TUBAL3: variants seen among roughly 807,000 people sequenced by gnomAD.
TUBAL3 encodes tubulin alpha chain-like 3.
In TUBAL3, 16 loss-of-function variants were observed where a neutral mutation model predicts 15.5. The ratio of observed to expected loss-of-function variants is 1.04; its 90% CI spans 0.70 to 1.57. The LOEUF (loss-of-function observed/expected upper bound fraction) is 1.57, where lower values mean the gene tolerates loss of function less well. Ranked by LOEUF, TUBAL3 falls within the 40% of genes most tolerant of loss-of-function variation. The pLI is 0.00. For synonymous variants in TUBAL3, 238 were observed against 224.3 expected (o/e 1.06, Z -0.55); for missense variants, 609 against 576.2 (o/e 1.06, Z -0.58).
chr10:5,393,715 G>A lies in TUBAL3; in HGVS notation c.1143C>T (p.Ser381=). 6.2e-7 allele frequency: 1 copy of A among 1,614,206 alleles called. No individual in the cohort carries two copies. The highest frequency in any genetic ancestry group is 8.5e-7 in the Non-Finnish European group (1 of 1,180,040). ...CCGTGGTGTTGCTCAGCATGCAGAT[G>A]GACCGGTGGACTTTGGCCAGGTCCC... ...PGGDLAKVHR[S]ICMLSNTTAI... The change falls in exon 4 of 4, where the codon TCC becomes TCT. Residue 381 remains serine, a synonymous_variant. Transcript: ENST00000380419.
chr10:5,401,709 C>G (rs1165411489), intron 1 of TUBAL3, among the ~76,000 whole-genome samples: 1 of 151,356 alleles, frequency 6.6e-6, no homozygotes, highest in Non-Finnish European at 1.5e-5. Flanking sequence ...TTATAACAAA[C>G]ATATAGAGAT....
chr10:5,394,085 T>C lies in TUBAL3; in HGVS notation c.773A>G (p.Asp258Gly). ...CAGGTTGGTCTGGAATTCAATTAGG[T>C]CTACATTCAAGGGCCCTTCAAACCG... ...SLRFEGPLNVDLIEFQTNLVP... is the reference protein window; with the variant it reads ...SLRFEGPLNVGLIEFQTNLVP... The change falls in exon 4 of 4, where the codon GAC (aspartate) becomes GGC (glycine). Residue 258 changes from aspartate (D) to glycine (G), a missense_variant. Asp to Gly is a moderately conservative substitution (Grantham distance 94). Transcript: ENST00000380419. The surrounding 1 kb of genome is among the most constrained non-coding windows in gnomAD (Gnocchi z 4.3). 1.2e-6 allele frequency: 2 copies of C among 1,614,108 alleles called. No individual in the cohort carries two copies. The highest frequency in any genetic ancestry group is 1.7e-6 in the Non-Finnish European group (2 of 1,180,020).
rs1554814179 is a variant in TUBAL3, at chr10:5,396,600, G to A, written c.248-1125C>T. Among the ~76,000 whole-genome samples, 2 of 152,190 alleles carry A rather than the reference G, an allele frequency of 1.3e-5. No individual in the cohort carries two copies. Among genetic ancestry groups the A allele is most frequent in the East Asian group, 3.8e-4 (2 of 5,200 alleles). ...AAGAGGATTTAACAGGGAAGGCACG[G>A]CAAACTCAAATGCCCACACGACCCA... is the stretch of plus-strand genomic sequence containing the variant. On this transcript the variant is annotated intron_variant, in intron 2 of 3. Transcript: ENST00000380419. The surrounding 1 kb of genome is among the most constrained non-coding windows in gnomAD (Gnocchi z 5.1).
In TUBAL3 at chr10:5,393,874, C is replaced by T. The variant is rs1206389474; in HGVS notation, c.984G>A (p.Gly328=). The stretch of plus-strand genomic sequence containing the variant: ...CATTCACTTCCTTGGGGACCACATC[C>T]CCTCTATAGAGTAGGCAGCAGGCCA... The part of the protein sequence containing the change: ...KYMACCLLYR[G]DVVPKEVNAA... The change falls in exon 4 of 4, where the codon GGG becomes GGA. Residue 328 remains glycine (G), a synonymous_variant. Coordinates refer to ENST00000380419, the MANE Select transcript of TUBAL3 (RefSeq NM_024803.3). 9 of 1,614,096 alleles carry T rather than the reference C, an allele frequency of 5.6e-6. No individual in the cohort carries two copies. Among genetic ancestry groups the T allele is most frequent in the Non-Finnish European group, 6.8e-6 (8 of 1,180,056 alleles).
rs1046210737 is a variant in TUBAL3, at chr10:5,397,676, T to C, written c.248-2201A>G. On this transcript the variant is annotated intron_variant, in intron 2 of 3. Coordinates refer to ENST00000380419, the MANE Select transcript of TUBAL3 (RefSeq NM_024803.3). The surrounding 1 kb of genome is among the most constrained non-coding windows in gnomAD (Gnocchi z 4.9). ...CCCTTAATCAATATCCTCAGAGACATCAATGGCTTTTGAACAATTACATGA... is the reference window on the plus strand; with the variant it reads ...CCCTTAATCAATATCCTCAGAGACACCAATGGCTTTTGAACAATTACATGA... Among the ~76,000 whole-genome samples the C allele has an allele frequency of 6.6e-6, 1 of 152,168 alleles. No homozygotes were observed. Among genetic ancestry groups the C allele is most frequent in the Non-Finnish European group, 1.5e-5 (1 of 68,020 alleles).
chr10:5,394,616 T>C lies in TUBAL3; in HGVS notation c.397-155A>G, dbSNP rs117498743. Reference sequence around the variant, plus strand: ...TAACTCCACAACAAACATAGCTACTTTGAAATACTCTCAAGGGGACTTCTG... The same window carrying C: ...TAACTCCACAACAAACATAGCTACTCTGAAATACTCTCAAGGGGACTTCTG... On this transcript the variant is annotated intron_variant, in intron 3 of 3. Coordinates refer to ENST00000380419, the MANE Select transcript of TUBAL3 (RefSeq NM_024803.3). The surrounding 1 kb of genome is among the most constrained non-coding windows in gnomAD (Gnocchi z 4.3). Among the ~76,000 whole-genome samples the C allele has an allele frequency of 1.9e-4, 29 of 152,312 alleles. 1 individual carries two copies. In the East Asian group the frequency reaches 5.6e-3, roughly 29 times the overall value.
chr10:5,400,829 G>A lies in TUBAL3; in HGVS notation c.247+15C>T. 6.2e-7 allele frequency: 1 copy of A among 1,613,800 alleles called. No homozygotes were observed. The highest frequency in any genetic ancestry group is 8.5e-7 in the Non-Finnish European group (1 of 1,179,786). On this transcript the variant is annotated intron_variant, in intron 2 of 3. Transcript: ENST00000380419. The stretch of plus-strand genomic sequence containing the variant: ...GGCTCCAGTTAAGTATGCTAGAATG[G>A]AACATTTATTGTACCTATAACAGTT...
At chr10:5,400,648 CA>C (rs1554814547) in intron 2 of TUBAL3, among the ~76,000 whole-genome samples, 195 bp downstream of exon 2, 1 of 152,052 alleles carries the variant, frequency 6.6e-6, no homozygotes, top group East Asian at 1.9e-4. Context: ...AATTTAAATT[CA>C]AAAACACTAA....
intron 1 of TUBAL3, among the ~76,000 whole-genome samples, chr10:5,402,591 C>A (rs1448234963): frequency 6.6e-6 from 1 of 152,168 alleles, no homozygotes; most frequent in East Asian, 1.9e-4. Flanking sequence ...CACAGGGGTC[C>A]CCAACCCCCG....
rs1352421357 is a variant in TUBAL3, at chr10:5,396,118, G to A, written c.248-643C>T. On this transcript the variant is annotated intron_variant, in intron 2 of 3. Coordinates refer to ENST00000380419, the MANE Select transcript of TUBAL3 (RefSeq NM_024803.3). The surrounding 1 kb of genome is among the most constrained non-coding windows in gnomAD (Gnocchi z 5.1). ...TTGCAGATGGGTATGAATTTGGGGG[G>A]ACACACTTCAACCCACTGCCCACCC... is the stretch of plus-strand genomic sequence containing the variant. 6.6e-6 allele frequency among the ~76,000 whole-genome samples: 1 copy of A among 152,142 alleles called. No homozygotes were observed. Among genetic ancestry groups the A allele is most frequent in the African/African-American group, 2.4e-5 (1 of 41,418 alleles).
chr10:5,400,374 G>A (rs569737934), intron 2 of TUBAL3, among the ~76,000 whole-genome samples: 1 of 152,328 alleles, frequency 6.6e-6, no homozygotes, highest in East Asian at 1.9e-4. Flanking sequence ...GCTCACGCCT[G>A]TAATCCCAGC....
In TUBAL3 at chr10:5,395,607, A is replaced by G. The variant is rs1831752774; in HGVS notation, c.248-132T>C. 2 of 1,021,104 alleles carry G rather than the reference A, an allele frequency of 2.0e-6. No individual in the cohort carries two copies. The highest frequency in any genetic ancestry group is 6.4e-5 in the Admixed American group (2 of 31,346). The allele number at this position is 1,021,104 out of a possible 1,614,324, so 63.3% of individuals were successfully genotyped here. Reference sequence around the variant, plus strand: ...CTCAATATTGTGGTCCAGGAATGGAATTTAGATAGTGCTGAATTAGCCCGT... The same window carrying G: ...CTCAATATTGTGGTCCAGGAATGGAGTTTAGATAGTGCTGAATTAGCCCGT... On this transcript the variant is annotated intron_variant, in intron 2 of 3. Coordinates refer to ENST00000380419, the MANE Select transcript of TUBAL3 (RefSeq NM_024803.3). The surrounding 1 kb of genome is among the most constrained non-coding windows in gnomAD (Gnocchi z 4.6).
Position 5,394,746 on chromosome 10 carries a change from C to T in TUBAL3, c.397-285G>A, listed in dbSNP as rs11818415. 0.014 allele frequency among the ~76,000 whole-genome samples: 2,167 copies of T among 152,254 alleles called. 61 individuals are homozygous for T. Among genetic ancestry groups the T allele is most frequent in the African/African-American group, 0.049 (2,042 of 41,524 alleles). ...ATCGGTATGTGATCGCAAACAAGGC[C>T]TTCATCAATAACAAAGAAAATGACA... On this transcript the variant is annotated intron_variant, in intron 3 of 3. Coordinates refer to ENST00000380419, the MANE Select transcript of TUBAL3 (RefSeq NM_024803.3). The surrounding 1 kb of genome is among the most constrained non-coding windows in gnomAD (Gnocchi z 4.3).
At chr10:5,401,717 G>C (rs1384411930) in intron 1 of TUBAL3, among the ~76,000 whole-genome samples, 2 of 151,594 alleles carry the variant, frequency 1.3e-5, no homozygotes, top group African/African-American at 4.8e-5. Context: ...AACATATAGA[G>C]ATAAAAATTG....
Position 5,401,060 on chromosome 10 carries a change from G to C in TUBAL3, c.31C>G (p.Gln11Glu), listed in dbSNP as rs782249050. ...GCGTCCCCAATCTGGATGCCAGCTT[G>C]ACCGATGTGGATGGAAAGGCACTCC... is the stretch of plus-strand genomic sequence containing the variant. MRECLSIHIG[Q>E]AGIQIGDACW... The change falls in exon 2 of 4, where the codon CAA becomes GAA. Residue 11 changes from glutamine to glutamate, a missense_variant. Gln to Glu is a conservative substitution (Grantham distance 29, BLOSUM62 2). Coordinates refer to ENST00000380419, the MANE Select transcript of TUBAL3 (RefSeq NM_024803.3). 1.5e-5 allele frequency: 24 copies of C among 1,614,154 alleles called. No homozygotes were observed. In the East Asian group the frequency reaches 5.1e-4, roughly 34 times the overall value.
chr10:5,403,423 G>A (rs1831884925), intron 1 of TUBAL3, among the ~76,000 whole-genome samples: 1 of 152,062 alleles, frequency 6.6e-6, no homozygotes, highest in Non-Finnish European at 1.5e-5. Context: ...AAGTTTACAT[G>A]TAGATTTCTC....
rs782525329 is a variant in TUBAL3, at chr10:5,393,827, G to A, written c.1031C>T (p.Ser344Leu). ...EVNAAIAATK[S>L]RHSVQFVDWC... ...ATCTACAAACTGAACAGAGTGCCTC[G>A]ACTTCGTGGCTGCGATTGCTGCATT... Residue 344 changes from serine to leucine, a missense_variant, in exon 4 of 4, where the codon TCG becomes TTG. Physicochemically the swap from Ser to Leu is moderately radical, Grantham distance 145 (BLOSUM62 -2). Transcript: ENST00000380419. 6.6e-5 allele frequency: 106 copies of A among 1,614,156 alleles called. No individual in the cohort carries two copies. In the Middle Eastern group the frequency reaches 4.0e-3, roughly 60 times the overall value.
Position 5,395,794 on chromosome 10 carries a change from T to A in TUBAL3, c.248-319A>T, listed in dbSNP as rs1216272488. Among the ~76,000 whole-genome samples, 1 of 152,092 alleles carries A rather than the reference T, an allele frequency of 6.6e-6. No homozygotes were observed. The highest frequency in any genetic ancestry group is 1.5e-5 in the Non-Finnish European group (1 of 68,016). ...TCCTAACAGCTCCAGAGGCTGGAAG[T>A]CTAACATCAAGGCGTTGGTAGGCTT... is the stretch of plus-strand genomic sequence containing the variant. On this transcript the variant is annotated intron_variant, in intron 2 of 3. Coordinates refer to ENST00000380419, the MANE Select transcript of TUBAL3 (RefSeq NM_024803.3). This position sits in a 1 kb window ranked among gnomAD's most constrained non-coding sequence, Gnocchi z 4.6.
At chr10:5,400,461 A>G (rs997202353) in intron 2 of TUBAL3, among the ~76,000 whole-genome samples, 49 of 152,098 alleles carry the variant, frequency 3.2e-4, no homozygotes, top group Admixed American at 1.4e-3. Context: ...GTGAAACTCC[A>G]TCTCTACTAA....
Sources: allele counts gnomAD v4.1 joint callset (sites outside exome capture counted in the v4.1 genomes callset), GRCh38; gene constraint gnomAD v4.1.1; non-coding constraint Gnocchi (gnomAD v3.1); transcripts MANE v1.5; gene names NCBI Gene and HGNC (gene_info 2026-07-23, HGNC 2026-07-21).